Variants in NGEF observed in about 807,000 individuals in gnomAD.
NGEF encodes neuronal guanine nucleotide exchange factor.
In NGEF, 31 loss-of-function variants were observed where a neutral mutation model predicts 80.9. The observed-to-expected ratio is 0.38, with a 90% CI of 0.29 to 0.52. NGEF has a LOEUF of 0.52. NGEF is among the 20% of genes least tolerant of loss of function. The probability of loss-of-function intolerance (pLI) is 0.84; values close to 1 mark genes in which losing one functional copy is unlikely to be tolerated. For synonymous variants in NGEF, 371 were observed against 370.2 expected (o/e 1.00, Z -0.03); for missense variants, 709 against 926.2 (o/e 0.77, Z 3.04).
At chr2:233,007,474 A>G (rs1206550782) in intron 1 of NGEF, among the ~76,000 whole-genome samples, 1 of 152,132 alleles carries the variant, frequency 6.6e-6, no homozygotes, top group African/African-American at 2.4e-5. Flanking sequence ...CACAGAGAAG[A>G]GCAGCGCAAA....
chr2:232,978,662 C>T (rs1011765386), intron 1 of NGEF, among the ~76,000 whole-genome samples: 4 of 152,200 alleles, frequency 2.6e-5, no homozygotes, highest in East Asian at 1.9e-4. Flanking sequence ...CTTGTGCCTG[C>T]GGAGGTCAGT....
chr2:232,998,044 G>A (rs1390383717), intron 1 of NGEF, among the ~76,000 whole-genome samples: 2 of 152,186 alleles, frequency 1.3e-5, no homozygotes, highest in Non-Finnish European at 1.5e-5. Flanking sequence ...TCACAGGGCC[G>A]AGAAGAGCAG....
intron 4 of NGEF, among the ~76,000 whole-genome samples, chr2:232,921,617 A>G (rs371002469): frequency 2.7e-5 from 4 of 146,260 alleles, no homozygotes; most frequent in African/African-American, 5.1e-5. Flanking sequence ...ATGGCCGGCT[A>G]GTTTTTCCTC....
At chr2:232,903,551 T>C (rs1314834866) in intron 5 of NGEF, among the ~76,000 whole-genome samples, 2 of 152,178 alleles carry the variant, frequency 1.3e-5, no homozygotes, top group African/African-American at 4.8e-5. Flanking sequence ...CCTTTTGAAC[T>C]TCCTGTCAGG....
chr2:232,883,900 A>C (rs1574984433), intron 11 of NGEF, 81 bp downstream of exon 11: 1 of 1,415,492 alleles, frequency 7.1e-7, no homozygotes, highest in Non-Finnish European at 9.4e-7. Flanking sequence ...GACACCCCCA[A>C]CCCCCAGGCC....
At chr2:232,916,708 GA>G (rs1234893222) in intron 5 of NGEF, among the ~76,000 whole-genome samples, 1 of 152,244 alleles carries the variant, frequency 6.6e-6, no homozygotes, top group Non-Finnish European at 1.5e-5. Flanking sequence ...TAGGGAGGGT[GA>G]GTGCAAATGG....
chr2:232,922,012 G>A (rs148834629), intron 4 of NGEF, among the ~76,000 whole-genome samples: 3 of 152,298 alleles, frequency 2.0e-5, no homozygotes, highest in East Asian at 3.9e-4. Context: ...GGGGTGGATC[G>A]AGATGTACCC....
At chr2:232,954,980 C>T (rs921208227) in intron 3 of NGEF, among the ~76,000 whole-genome samples, 8 of 151,860 alleles carry the variant, frequency 5.3e-5, no homozygotes, top group Admixed American at 2.6e-4. Context: ...CAGCACTTTA[C>T]GGATAACAGC....
intron 5 of NGEF, among the ~76,000 whole-genome samples, chr2:232,896,712 A>G (rs1163155978): frequency 0.013 from 89 of 6,954 alleles, no homozygotes; most frequent in Admixed American, 0.016. Flanking sequence ...GGGTGGGGGT[A>G]GGGGTGAGTG....
At chr2:232,973,524 C>T (rs1694235476) in intron 2 of NGEF, among the ~76,000 whole-genome samples, 1 of 152,210 alleles carries the variant, frequency 6.6e-6, no homozygotes, top group Admixed American at 6.5e-5. Context: ...GTCTGAGTCT[C>T]CGTCTAGGCC....
Position 232,888,206 on chromosome 2 carries a change from C to T in NGEF, c.1273-99G>A, listed in dbSNP as rs149520920. ...CTACCTCCCTACTGCACCAGTCCAG[C>T]CCCATGCTGCAGCATGCACACACAC... On this transcript the variant is annotated intron_variant, in intron 8 of 14. Transcript: ENST00000264051. 3.0e-3 allele frequency: 2,459 copies of T among 810,866 alleles called. 7 individuals carry two copies. The highest frequency in any genetic ancestry group is 4.2e-3 in the Non-Finnish European group (2,107 of 497,876). 50.2% of individuals were successfully genotyped at this position (810,866 alleles called of 1,614,324 possible). A position where few individuals can be genotyped will look rare whatever the true frequency, so the allele number is the denominator to read the frequency against.
rs543324773 is a variant in NGEF at position 233,013,048 on chromosome 2, T to C, written c.-75+20A>G. On this transcript the variant is annotated intron_variant, in intron 1 of 14. Coordinates refer to ENST00000264051, the MANE Select transcript of NGEF (RefSeq NM_019850.3). ...TATCTCATTTTATTTTTTTAAAAAA[T>C]ACCAAAACCATTCTCTCACCTGCCA... 1.3e-5 allele frequency: 6 copies of C among 463,360 alleles called. No homozygotes were observed. The highest frequency in any genetic ancestry group is 2.7e-5 in the Non-Finnish European group (6 of 223,584). The allele number at this position is 463,360 out of a possible 1,614,324, so 28.7% of individuals were successfully genotyped here.
At chr2:232,881,286 C>T (rs376028601) in intron 13 of NGEF, 36 bp from the exon 14 acceptor site, 39 of 1,534,078 alleles carry the variant, frequency 2.5e-5, no homozygotes, top group Non-Finnish European at 2.9e-5. Context: ...TCCCCACCAC[C>T]GCACTACCCA....
intron 4 of NGEF, among the ~76,000 whole-genome samples, chr2:232,921,780 T>C (rs1692949615): frequency 6.6e-6 from 1 of 152,202 alleles, no homozygotes; most frequent in African/African-American, 2.4e-5. Flanking sequence ...TGCCTGGTCC[T>C]GTCTGCATTT....
At chr2:232,889,346 G>A (rs1480819467) in intron 8 of NGEF, among the ~76,000 whole-genome samples, 1 of 152,168 alleles carries the variant, frequency 6.6e-6, no homozygotes, top group Non-Finnish European at 1.5e-5. Flanking sequence ...TCCACTCGGT[G>A]TGTCCCCAGC....
intron 1 of NGEF, among the ~76,000 whole-genome samples, chr2:233,008,634 G>A (rs528293231): frequency 3.9e-5 from 6 of 152,168 alleles, no homozygotes; most frequent in Non-Finnish European, 7.4e-5. Flanking sequence ...CCCTTGAAGG[G>A]CACTGTCCAA....
chr2:232,961,731 C>T (rs1015183674), intron 3 of NGEF, among the ~76,000 whole-genome samples: 7 of 152,076 alleles, frequency 4.6e-5, no homozygotes, highest in South Asian at 2.1e-4. Context: ...CTCCTGACCT[C>T]GTGATCTGCC....
At position 232,927,937 on chromosome 2, in the gene NGEF, C is replaced by T. The variant is rs1410194350; in HGVS notation, c.384-751G>A. The stretch of plus-strand genomic sequence containing the variant: ...CCGCCGAGTCGCGCGCGTCGCTTTC[C>T]GAGGTGGAACTGTCGTGGTCCACGG... On this transcript the variant is annotated intron_variant, in intron 3 of 14. Coordinates refer to ENST00000264051, the MANE Select transcript of NGEF (RefSeq NM_019850.3). 3.0e-6 allele frequency: 4 copies of T among 1,343,038 alleles called. No individual in the cohort carries two copies. In the African/African-American group the frequency reaches 4.6e-5, roughly 15 times the overall value. 83.2% of individuals were successfully genotyped at this position (1,343,038 alleles called of 1,614,324 possible). A position where few individuals can be genotyped will look rare whatever the true frequency, so the allele number is the denominator to read the frequency against.
chr2:232,928,226 G>C, intron 3 of NGEF: 1 of 959,878 alleles, frequency 1.0e-6, no homozygotes, highest in Non-Finnish European at 1.2e-6. Context: ...GGCGCGCGCG[G>C]CGGGGGCGAG....
Sources: gnomAD v4.1 joint callset for allele counts (sites outside exome capture counted in the v4.1 genomes callset) on GRCh38, gnomAD v4.1.1 for gene constraint, MANE v1.5 for transcripts, NCBI Gene and HGNC (gene_info 2026-07-23, HGNC 2026-07-21) for gene names.